RSRC1: variants seen among roughly 807,000 people sequenced by gnomAD.
RSRC1 encodes the protein serine/Arginine-related protein 53.
A neutral mutation model predicts 49.1 loss-of-function variants in RSRC1; 39 were observed. The observed-to-expected ratio is 0.79, with a 90% CI of 0.61 to 1.04. The LOEUF (loss-of-function observed/expected upper bound fraction) is 1.04. RSRC1 is among the 50% of genes least tolerant of loss of function. The pLI is 0.00. For missense variants in RSRC1, 388 were observed against 402.4 expected (o/e 0.96, Z 0.31); for synonymous variants, 143 against 130.8 (o/e 1.09, Z -0.63).
At chr3:158,293,457 G>A (rs58642140) in intron 4 of RSRC1, among the ~76,000 whole-genome samples, 6,548 of 152,060 alleles carry the variant, frequency 0.043, 461 homozygotes, top group African/African-American at 0.15. Context: ...TTTGTATTAT[G>A]TGTCTTTTGT....
chr3:158,132,033 G>T (rs1716061999), intron 3 of RSRC1: 1 of 362,622 alleles, frequency 2.8e-6, no homozygotes. Context: ...ACCTGGGCTG[G>T]AGTGCAGTGG....
In RSRC1 at chr3:158,229,033, T is replaced by TGTATAAACACACATACGTGTATATGTGC. The variant is rs1559952138; in HGVS notation, c.494+25815_494+25816insCGTATAAACACACATACGTGTATATGTG. 9.9e-4 allele frequency among the ~76,000 whole-genome samples: 94 copies of TGTATAAACACACATACGTGTATATGTGC among 94,736 alleles called. 36 individuals carry two copies. The East Asian group carries it at 0.042, about 42-fold the overall frequency. The allele number at this position is 94,736 out of a possible 152,430, so 62.2% of individuals were successfully genotyped here. A position where few individuals can be genotyped will look rare whatever the true frequency, so the allele number is the denominator to read the frequency against. The stretch of plus-strand genomic sequence containing the variant: ...ATAAACACACATACGTGTATATGTG[T>TGTATAAACACACATACGTGTATATGTGC]GTATAAACACACATACGTGTATATG... On this transcript the variant is annotated intron_variant, in intron 4 of 9. Coordinates refer to ENST00000611884, the MANE Select transcript of RSRC1 (RefSeq NM_001271838.2).
intron 7 of RSRC1, among the ~76,000 whole-genome samples, chr3:158,525,038 A>G (rs1711921119): frequency 6.6e-6 from 1 of 152,156 alleles, no homozygotes; most frequent in South Asian, 2.1e-4. Flanking sequence ...GATAAGACAC[A>G]AAAAGCACAA....
At chr3:158,414,935 CTAAG>C (rs1476464029) in intron 6 of RSRC1, among the ~76,000 whole-genome samples, 1 of 152,076 alleles carries the variant, frequency 6.6e-6, no homozygotes, top group African/African-American at 2.4e-5. Context: ...AATCCCTTCT[CTAAG>C]TGTTATTAAC....
chr3:158,349,944 T>C (rs1210134676), intron 5 of RSRC1, among the ~76,000 whole-genome samples: 2 of 151,654 alleles, frequency 1.3e-5, no homozygotes, highest in Non-Finnish European at 2.9e-5. Flanking sequence ...GTGATCTGCC[T>C]GCCTTGGCCT....
At chr3:158,316,937 T>C (rs1728498233) in intron 5 of RSRC1, among the ~76,000 whole-genome samples, 1 of 152,204 alleles carries the variant, frequency 6.6e-6, no homozygotes, top group Non-Finnish European at 1.5e-5. Flanking sequence ...TATTATTTAG[T>C]GCAAATACCT....
chr3:158,234,735 C>A (rs779402214), intron 4 of RSRC1, among the ~76,000 whole-genome samples: 18 of 151,988 alleles, frequency 1.2e-4, no homozygotes, highest in South Asian at 6.2e-4. Context: ...ATATATTCTT[C>A]GAACTGAAAT....
At chr3:158,342,725 A>G (rs1427777606) in intron 5 of RSRC1, among the ~76,000 whole-genome samples, 1 of 152,240 alleles carries the variant, frequency 6.6e-6, no homozygotes, top group Non-Finnish European at 1.5e-5. Flanking sequence ...TCACGATGGA[A>G]TAACAAGAAT....
At chr3:158,438,811 T>G (rs1214350013) in intron 6 of RSRC1, among the ~76,000 whole-genome samples, 1 of 152,076 alleles carries the variant, frequency 6.6e-6, no homozygotes, top group Non-Finnish European at 1.5e-5. Flanking sequence ...AAGCCAGAAT[T>G]GACAAATGGG....
chr3:158,293,121 T>A (rs1727032864), intron 4 of RSRC1, among the ~76,000 whole-genome samples: 1 of 152,154 alleles, frequency 6.6e-6, no homozygotes, highest in Non-Finnish European at 1.5e-5. Context: ...TAAACTTAGG[T>A]GTCCCAATGT....
chr3:158,459,154 G>C (rs572452937), intron 6 of RSRC1, among the ~76,000 whole-genome samples: 1 of 152,180 alleles, frequency 6.6e-6, no homozygotes, highest in South Asian at 2.1e-4. Context: ...GCTCTTGATT[G>C]ACAGTTTGAA....
intron 7 of RSRC1, among the ~76,000 whole-genome samples, chr3:158,527,139 A>G (rs1195853529): frequency 1.4e-5 from 2 of 144,584 alleles, no homozygotes; most frequent in Admixed American, 1.4e-4. Flanking sequence ...CCGCTTCTGA[A>G]TATACTCCCA....
chr3:158,466,051 T>C (rs548619065), intron 7 of RSRC1, among the ~76,000 whole-genome samples: 1 of 152,222 alleles, frequency 6.6e-6, no homozygotes, highest in Non-Finnish European at 1.5e-5. Context: ...AAGAACTTGA[T>C]TGATAAATAT....
At chr3:158,284,545 C>G (rs1726391498) in intron 4 of RSRC1, among the ~76,000 whole-genome samples, 1 of 147,490 alleles carries the variant, frequency 6.8e-6, no homozygotes, top group Admixed American at 6.8e-5. Context: ...CACATCCTCT[C>G]CAGCACCTGT....
chr3:158,286,003 C>A (rs1157598787), intron 4 of RSRC1, among the ~76,000 whole-genome samples: 1 of 152,078 alleles, frequency 6.6e-6, no homozygotes, highest in Non-Finnish European at 1.5e-5. Context: ...TTTTATAGAT[C>A]TTTACTGTGC....
At chr3:158,148,212 T>C (rs1208713569) in intron 3 of RSRC1, among the ~76,000 whole-genome samples, 2 of 152,216 alleles carry the variant, frequency 1.3e-5, no homozygotes, top group African/African-American at 4.8e-5. Context: ...TTGTAGCTCT[T>C]CTTGTTTGGT....
chr3:158,122,978 A>G (rs756472970), intron 2 of RSRC1, among the ~76,000 whole-genome samples: 2 of 152,122 alleles, frequency 1.3e-5, no homozygotes, highest in Non-Finnish European at 2.9e-5. Context: ...CCAGTCTGTC[A>G]TTGATGGACA....
rs1351249558 is a variant in RSRC1, at chr3:158,203,051, A to T, written c.321-21A>T. 3 of 1,579,718 alleles carry T rather than the reference A, an allele frequency of 1.9e-6. No individual in the cohort carries two copies. In the East Asian group the frequency reaches 6.7e-5, roughly 36 times the overall value. On this transcript the variant is annotated intron_variant, in intron 3 of 9. Transcript: ENST00000611884. The stretch of plus-strand genomic sequence containing the variant: ...TACAAATTATACACTAAGTTTATTT[A>T]ACAAAATCTGCTTACTGTAGGTCCA...
intron 2 of RSRC1, among the ~76,000 whole-genome samples, chr3:158,123,532 A>G (rs1000467680): frequency 2.6e-5 from 4 of 152,070 alleles, no homozygotes; most frequent in Non-Finnish European, 5.9e-5. Context: ...TCTTGGCCTC[A>G]AGCGATCCTC....
Sources: gnomAD v4.1 joint callset for allele counts (sites outside exome capture counted in the v4.1 genomes callset) on GRCh38, gnomAD v4.1.1 for gene constraint, MANE v1.5 for transcripts, NCBI Gene and HGNC (gene_info 2026-07-23, HGNC 2026-07-21) for gene names.